Variants in CTNNA3 observed in about 807,000 individuals in gnomAD.
CTNNA3 encodes catenin alpha 3.
CTNNA3 carries 76 observed loss-of-function variants against 95.7 expected under a neutral mutation model. That is an observed-to-expected ratio of 0.79 (90% CI 0.66 to 0.96). CTNNA3 has a LOEUF of 0.96. Ranked by LOEUF, CTNNA3 falls within the 40% of genes least tolerant of loss-of-function variation. The pLI is 0.00. For synonymous variants in CTNNA3, 431 were observed against 374.4 expected, an observed-to-expected ratio of 1.15 and a Z score of -1.74; for missense variants, 1,191 against 1,089.8, an observed-to-expected ratio of 1.09 and a Z score of -1.31.
chr10:66,502,325 G>C (rs936026131), intron 11 of CTNNA3, among the ~76,000 whole-genome samples: 2 of 151,932 alleles, frequency 1.3e-5, no homozygotes, highest in African/African-American at 4.8e-5. Context: ...TATGTCACTT[G>C]GCTTTGCACC....
chr10:67,740,461 A>G (rs1841329536), intron 1 of CTNNA3, among the ~76,000 whole-genome samples: 1 of 151,402 alleles, frequency 6.6e-6, no homozygotes, highest in South Asian at 2.1e-4. Flanking sequence ...CAAATGTACA[A>G]GAAAAAAACA....
In CTNNA3 at chr10:67,042,328, T is replaced by C. The variant is rs146132586; in HGVS notation, c.1047+137989A>G. Among the ~76,000 whole-genome samples the C allele has an allele frequency of 7.2e-3, 1,102 of 152,182 alleles. 11 individuals carry two copies. Among genetic ancestry groups the C allele is most frequent in the South Asian group, 0.024 (117 of 4,824 alleles). On this transcript the variant is annotated intron_variant, in intron 7 of 17. Coordinates refer to ENST00000433211, the MANE Select transcript of CTNNA3 (RefSeq NM_013266.4). ...CAGGACAGACAGAGCTGACTATCAG[T>C]TGGATGTGAGACATGAATAAAAAAC...
At chr10:67,716,967 A>G (rs1841147730) in intron 1 of CTNNA3, among the ~76,000 whole-genome samples, 3 of 152,142 alleles carry the variant, frequency 2.0e-5, no homozygotes, top group Admixed American at 2.0e-4. Flanking sequence ...ATTTCTCCAC[A>G]TCCACTCCAG....
chr10:67,632,658 C>A (rs1320423501), intron 2 of CTNNA3, among the ~76,000 whole-genome samples: 1 of 152,128 alleles, frequency 6.6e-6, no homozygotes, highest in African/African-American at 2.4e-5. Context: ...CACGCTTTTC[C>A]CACGGATCTT....
intron 3 of CTNNA3, among the ~76,000 whole-genome samples, chr10:67,588,683 C>A (rs925601119): frequency 2.2e-4 from 33 of 151,826 alleles, no homozygotes; most frequent in African/African-American, 7.7e-4. Context: ...AAAAGTTGAG[C>A]CTTAATCTTT....
chr10:67,411,212 C>CA (rs1845355017), intron 5 of CTNNA3, among the ~76,000 whole-genome samples: 1 of 151,894 alleles, frequency 6.6e-6, no homozygotes, highest in Admixed American at 6.6e-5. Context: ...GTTCTCATTA[C>CA]AAAAAAATGA....
rs182808591 is a variant in CTNNA3, at chr10:67,273,670, C to T, written c.580-53800G>A. On this transcript the variant is annotated intron_variant, in intron 5 of 17. Coordinates refer to ENST00000433211, the MANE Select transcript of CTNNA3 (RefSeq NM_013266.4). ...TTATAATAACCAAAACTTAGAAATG[C>T]CCAGGTGTCAAAAAATAGAGAAATG... Among the ~76,000 whole-genome samples the T allele has an allele frequency of 4.0e-3, 615 of 152,140 alleles. 6 individuals are homozygous for T. Among genetic ancestry groups the T allele is most frequent in the African/African-American group, 0.014 (592 of 41,510 alleles).
chr10:66,926,751 AAAAC>A (rs1847099382), intron 7 of CTNNA3, among the ~76,000 whole-genome samples: 1 of 152,230 alleles, frequency 6.6e-6, no homozygotes, highest in African/African-American at 2.4e-5. Context: ...ACTATTTAAA[AAAAC>A]AAAACACTAA....
chr10:67,255,762 A>G (rs1429608133), intron 5 of CTNNA3, among the ~76,000 whole-genome samples: 1 of 152,194 alleles, frequency 6.6e-6, no homozygotes, highest in Non-Finnish European at 1.5e-5. Context: ...CTTCTCCTAG[A>G]GGTTCACAGT....
chr10:67,333,952 A>C lies in CTNNA3; in HGVS notation c.580-114082T>G, dbSNP rs145078741. 1.9e-3 allele frequency among the ~76,000 whole-genome samples: 290 copies of C among 152,324 alleles called. 2 individuals are homozygous for C. The highest frequency in any genetic ancestry group is 6.7e-3 in the African/African-American group (279 of 41,560). On this transcript the variant is annotated intron_variant, in intron 5 of 17. Coordinates refer to ENST00000433211, the MANE Select transcript of CTNNA3 (RefSeq NM_013266.4). ...GTGATTTGCTAAGTCTTCCATAAGG[A>C]CATTGAGGAAATAGCTGTACATATG...
intron 13 of CTNNA3, among the ~76,000 whole-genome samples, chr10:66,272,865 T>G (rs185707242): frequency 4.6e-5 from 7 of 152,254 alleles, no homozygotes; most frequent in African/African-American, 1.7e-4. Flanking sequence ...GCCAGAAACC[T>G]CGGATAGTAA....
At chr10:67,104,039 C>T (rs1186567293) in intron 7 of CTNNA3, among the ~76,000 whole-genome samples, 1 of 151,664 alleles carries the variant, frequency 6.6e-6, no homozygotes, top group Admixed American at 6.6e-5. Context: ...ATCATCTTAG[C>T]CCTTTTATAA....
chr10:65,966,593 A>G lies in CTNNA3; in HGVS notation c.2400+19T>C. Reference sequence around the variant, plus strand: ...AGCATCTTCCACCTGTGATCATGTAAGTGCTAGGCAGTACTCACAGCTGAC... The same window carrying G: ...AGCATCTTCCACCTGTGATCATGTAGGTGCTAGGCAGTACTCACAGCTGAC... On this transcript the variant is annotated intron_variant, in intron 17 of 17. Coordinates refer to ENST00000433211, the MANE Select transcript of CTNNA3 (RefSeq NM_013266.4). 1 of 1,591,286 alleles carries G rather than the reference A, an allele frequency of 6.3e-7. No homozygotes were observed. The highest frequency in any genetic ancestry group is 8.6e-7 in the Non-Finnish European group (1 of 1,165,788).
intron 11 of CTNNA3, among the ~76,000 whole-genome samples, chr10:66,508,914 G>T (rs56310027): frequency 0.15 from 23,212 of 152,060 alleles, 1,852 homozygotes; most frequent in Non-Finnish European, 0.17. Context: ...TAGTGAGATT[G>T]CTAGATCATA....
chr10:67,079,597 C>G (rs1856931787), intron 7 of CTNNA3, among the ~76,000 whole-genome samples: 1 of 152,068 alleles, frequency 6.6e-6, no homozygotes, highest in Admixed American at 6.6e-5. Context: ...TGCCTGTAAT[C>G]CCAGCATGTT....
chr10:67,292,373 A>G (rs10762160), intron 5 of CTNNA3, among the ~76,000 whole-genome samples: 38,070 of 151,984 alleles, frequency 0.25, 6,947 homozygotes, highest in African/African-American at 0.51. Context: ...AGAAGCTTTC[A>G]CTTCTGAGAC....
At chr10:66,074,437 C>T (rs2080506943) in intron 14 of CTNNA3, among the ~76,000 whole-genome samples, 1 of 151,812 alleles carries the variant, frequency 6.6e-6, no homozygotes, top group Admixed American at 6.6e-5. Flanking sequence ...GCTTTTCAAT[C>T]TCATCCCATC....
At chr10:66,227,713 T>G (rs1382088013) in intron 13 of CTNNA3, among the ~76,000 whole-genome samples, 1 of 152,152 alleles carries the variant, frequency 6.6e-6, no homozygotes, top group African/African-American at 2.4e-5. Flanking sequence ...TTTGTACTCC[T>G]TTTTACTTTT....
chr10:66,878,807 T>C (rs560514618), intron 7 of CTNNA3, among the ~76,000 whole-genome samples: 1 of 152,276 alleles, frequency 6.6e-6, no homozygotes, highest in South Asian at 2.1e-4. Context: ...GTGGGACACC[T>C]ACTGCCAAAA....
Sources: allele counts gnomAD v4.1 joint callset (sites outside exome capture counted in the v4.1 genomes callset), GRCh38; gene constraint gnomAD v4.1.1; transcripts MANE v1.5; gene names NCBI Gene and HGNC (gene_info 2026-07-23, HGNC 2026-07-21).